Variants in SUGP1 observed in about 807,000 individuals in gnomAD.
SUGP1 encodes SURP and G-patch domain containing 1.
A neutral mutation model predicts 76.5 loss-of-function variants in SUGP1; 34 were observed. That is an observed-to-expected ratio of 0.44 (90% CI 0.34 to 0.59). The LOEUF (loss-of-function observed/expected upper bound fraction) is 0.59, where lower values mean the gene tolerates loss of function less well. SUGP1 is among the 20% of genes least tolerant of loss of function. The probability of loss-of-function intolerance (pLI) is 0.01; values close to 1 mark genes in which losing one functional copy is unlikely to be tolerated. For synonymous variants in SUGP1, 326 were observed against 326.2 expected (o/e 1.00, Z 0.01); for missense variants, 752 against 851.7 (o/e 0.88, Z 1.46).
chr19:19,287,495 G>C (rs2061150319), intron 8 of SUGP1, among the ~76,000 whole-genome samples: 2 of 152,230 alleles, frequency 1.3e-5, no homozygotes, highest in South Asian at 4.1e-4. Flanking sequence ...CAGAGGGGCA[G>C]AGGCTGCAGT....
At chr19:19,302,147 T>G (rs1483232708) in intron 7 of SUGP1, 118 bp downstream of exon 7, 1 of 1,491,732 alleles carries the variant, frequency 6.7e-7, no homozygotes, top group African/African-American at 1.4e-5. Context: ...CTCTTGGACC[T>G]GCCAGCTTCT....
At chr19:19,313,378 G>A (rs543405573) in intron 2 of SUGP1, among the ~76,000 whole-genome samples, 2 of 152,164 alleles carry the variant, frequency 1.3e-5, no homozygotes, top group Admixed American at 6.5e-5. Context: ...CTGGACAACA[G>A]AGTTAGACTT....
chr19:19,279,520 T>G, intron 9 of SUGP1, 130 bp from the exon 10 acceptor site: 1 of 994,566 alleles, frequency 1.0e-6, no homozygotes. Flanking sequence ...TGGGCAGGAC[T>G]GGAGCAAGGA....
At chr19:19,317,298 C>G (rs140657658) in intron 1 of SUGP1, among the ~76,000 whole-genome samples, 2 of 152,014 alleles carry the variant, frequency 1.3e-5, no homozygotes, top group South Asian at 4.2e-4. Flanking sequence ...AAGAAGCCAG[C>G]GTCATGAAAA....
chr19:19,314,609 C>T (rs1193002352), intron 2 of SUGP1, among the ~76,000 whole-genome samples: 1 of 152,150 alleles, frequency 6.6e-6, no homozygotes, highest in Non-Finnish European at 1.5e-5. Flanking sequence ...ATACTCACAC[C>T]CTGAGCACTT....
At chr19:19,314,530 A>G (rs1328108017) in intron 2 of SUGP1, among the ~76,000 whole-genome samples, 3 of 152,184 alleles carry the variant, frequency 2.0e-5, no homozygotes, top group Non-Finnish European at 4.4e-5. Flanking sequence ...TATATGAAAA[A>G]GAAGGTTCAA....
At chr19:19,301,413 G>A (rs2061270477) in intron 7 of SUGP1, among the ~76,000 whole-genome samples, 1 of 152,108 alleles carries the variant, frequency 6.6e-6, no homozygotes, top group Non-Finnish European at 1.5e-5. Context: ...TCGTCTGCCT[G>A]GACCTGGCCT....
chr19:19,287,317 T>C (rs561866730), intron 8 of SUGP1, among the ~76,000 whole-genome samples: 149 of 151,946 alleles, frequency 9.8e-4, no homozygotes, highest in African/African-American at 3.3e-3. Flanking sequence ...TCCCAGCATA[T>C]TGGGAAGCTG....
Position 19,310,117 on chromosome 19 carries a change from T to G in SUGP1, c.290A>C (p.Gln97Pro). 2.5e-6 allele frequency: 4 copies of G among 1,613,588 alleles called. 1 individual carries two copies. The highest frequency in any genetic ancestry group is 3.4e-6 in the Non-Finnish European group (4 of 1,179,612). The change falls in exon 3 of 14, where the codon CAG (glutamine) becomes CCG (proline). Residue 97 changes from glutamine to proline, a missense_variant. This residue lies in a region of SUGP1 where 620 missense variants were observed against 617.3 expected (regional missense o/e 1.00). Transcript: ENST00000247001. ...GSFLQQFLKL[Q>P]KAQTSTDAPT... The stretch of plus-strand genomic sequence containing the variant: ...CTCACCTGTGCTGGTCTGTGCCTTC[T>G]GCAACTTCAGAAACTGCTGCAAGAA...
At chr19:19,299,828 G>A (rs2061257516) in intron 7 of SUGP1, among the ~76,000 whole-genome samples, 1 of 150,852 alleles carries the variant, frequency 6.6e-6, no homozygotes, top group South Asian at 2.1e-4. Context: ...TTTCACTCTT[G>A]TTGCCCAGGC....
chr19:19,295,158 G>A (rs2061215427), intron 8 of SUGP1, among the ~76,000 whole-genome samples: 1 of 151,958 alleles, frequency 6.6e-6, no homozygotes, highest in Admixed American at 6.6e-5. Flanking sequence ...GGCTGGGCCT[G>A]GTGGCTCACT....
chr19:19,319,646 C>T (rs1783478251), intron 1 of SUGP1, among the ~76,000 whole-genome samples: 1 of 147,694 alleles, frequency 6.8e-6, no homozygotes, highest in South Asian at 2.1e-4. Context: ...ATCACCTGAA[C>T]CCAGGGAGCC....
intron 7 of SUGP1, among the ~76,000 whole-genome samples, chr19:19,300,356 G>A (rs1416395514): frequency 1.3e-5 from 2 of 151,730 alleles, no homozygotes; most frequent in South Asian, 2.1e-4. Context: ...GATTACAGGC[G>A]TGAGCCACCG....
chr19:19,303,659 C>T (rs2061290697), intron 5 of SUGP1, 65 bp downstream of exon 5: 2 of 1,591,542 alleles, frequency 1.3e-6, no homozygotes, highest in African/African-American at 1.3e-5. Flanking sequence ...CACCCAGCCC[C>T]ACACGTGCGA....
chr19:19,279,004 T>C (rs775562833), intron 10 of SUGP1, among the ~76,000 whole-genome samples: 12 of 152,136 alleles, frequency 7.9e-5, no homozygotes, highest in Non-Finnish European at 1.6e-4. Context: ...ACCCTCACGA[T>C]GTCAGGACTG....
In SUGP1 at chr19:19,293,178, G is replaced by A. The variant is rs148394467; in HGVS notation, c.1243+3811C>T. 2.3e-3 allele frequency among the ~76,000 whole-genome samples: 342 copies of A among 151,986 alleles called. 1 individual carries two copies. Among genetic ancestry groups the A allele is most frequent in the African/African-American group, 7.5e-3 (312 of 41,472 alleles). ...GCCCACCTCAGTCTCCCAAAGTGCT[G>A]GGATTACAGGCGTGAGTCACCGTGC... On this transcript the variant is annotated intron_variant, in intron 8 of 13. Transcript: ENST00000247001.
At chr19:19,301,301 CCT>C (rs1599861330) in intron 7 of SUGP1, among the ~76,000 whole-genome samples, 1 of 152,136 alleles carries the variant, frequency 6.6e-6, no homozygotes, top group East Asian at 1.9e-4. Flanking sequence ...CCAAGCAGCC[CCT>C]CTCCCCGTCC....
intron 1 of SUGP1, among the ~76,000 whole-genome samples, chr19:19,319,071 C>A (rs568074529): frequency 4.5e-4 from 68 of 152,110 alleles, no homozygotes; most frequent in African/African-American, 1.6e-3. Flanking sequence ...TACACAAAAA[C>A]ACTGGCCAGG....
rs1246880136 is a variant in SUGP1, at chr19:19,310,005, A to G, written c.310+92T>C. The G allele has an allele frequency of 3.4e-6, 3 of 877,874 alleles. No individual in the cohort carries two copies. In the African/African-American group the frequency reaches 5.0e-5, roughly 14 times the overall value. 54.4% of individuals were successfully genotyped at this position (877,874 alleles called of 1,614,324 possible). ...CGATCTATGATTACCGGTGAGCAGG[A>G]GTCTGAGGTGGGACCCATCACTTCC... On this transcript the variant is annotated intron_variant, in intron 3 of 13. Transcript: ENST00000247001.
Sources: gnomAD v4.1 joint callset for allele counts (sites outside exome capture counted in the v4.1 genomes callset) on GRCh38, gnomAD v4.1.1 for gene constraint, gnomAD v4.1.1 regional missense constraint, MANE v1.5 for transcripts, NCBI Gene and HGNC (gene_info 2026-07-23, HGNC 2026-07-21) for gene names.